Variants in PAPLN observed in about 807,000 individuals in gnomAD.
PAPLN encodes papilin, proteoglycan like sulfated glycoprotein.
PAPLN carries 146 observed loss-of-function variants against 159.0 expected under a neutral mutation model. The ratio of observed to expected loss-of-function variants is 0.92; its 90% CI spans 0.80 to 1.05. The LOEUF (loss-of-function observed/expected upper bound fraction) is 1.05, where lower values mean the gene tolerates loss of function less well. Ranked by LOEUF, PAPLN falls within the 50% of genes least tolerant of loss-of-function variation. The probability of loss-of-function intolerance (pLI) is 0.00; values close to 1 mark genes in which losing one functional copy is unlikely to be tolerated. For missense variants in PAPLN, 1,720 were observed against 1,743.9 expected (o/e 0.99, Z 0.24); for synonymous variants, 734 against 702.9 (o/e 1.04, Z -0.70).
At position 73,251,800 on chromosome 14, in the gene PAPLN, T is replaced by A. The variant is rs1382008313; in HGVS notation, c.807T>A (p.His269Gln). Reference protein sequence around the residue: ...AEGDLAPERLHARGPTSEPLV... With the variant: ...AEGDLAPERLQARGPTSEPLV... ...GGGACCTGGCCCCTGAGCGACTCCA[T>A]GCCCGGGGCCCCACCTCGGAGCCCC... Residue 269 changes from histidine to glutamine, a missense_variant, in exon 9 of 27, where the codon CAT (histidine) becomes CAA (glutamine). Coordinates refer to ENST00000644200, the MANE Select transcript of PAPLN (RefSeq NM_001365906.3). 1 of 1,603,338 alleles carries A rather than the reference T, an allele frequency of 6.2e-7. No homozygotes were observed. The highest frequency in any genetic ancestry group is 1.8e-5 in the Admixed American group (1 of 56,704).
At chr14:73,254,450 G>C in intron 12 of PAPLN, 63 bp from the exon 13 acceptor site, 2 of 1,583,490 alleles carry the variant, frequency 1.3e-6, no homozygotes, top group Non-Finnish European at 1.7e-6. Context: ...GCCGCTAGCT[G>C]TCCGAACTGG....
chr14:73,264,149 G>T, intron 20 of PAPLN, 62 bp from the exon 21 acceptor site: 4 of 1,607,346 alleles, frequency 2.5e-6, no homozygotes, highest in Non-Finnish European at 3.4e-6. Context: ...CGAGGCGGAG[G>T]GAAGACTCAC....
intron 16 of PAPLN, 142 bp from the exon 17 acceptor site, chr14:73,260,567 C>T (rs1886448320): frequency 1.8e-6 from 2 of 1,126,314 alleles, no homozygotes; most frequent in Non-Finnish European, 2.3e-6. Context: ...AATGGCCTGC[C>T]CTGCACACGG....
intron 18 of PAPLN, among the ~76,000 whole-genome samples, chr14:73,261,594 C>T (rs1413562367): frequency 6.6e-6 from 1 of 152,200 alleles, no homozygotes; most frequent in Non-Finnish European, 1.5e-5. Context: ...TGAGGCAGAG[C>T]CAGTGCAGGG....
At chr14:73,252,854 T>C (rs1885452178) in intron 11 of PAPLN, 79 bp downstream of exon 11, 4 of 1,582,228 alleles carry the variant, frequency 2.5e-6, no homozygotes, top group Admixed American at 1.7e-5. Flanking sequence ...CCAAGCTGCT[T>C]TAGGTGTAGA....
chr14:73,258,618 T>C (rs1278130166), intron 14 of PAPLN, among the ~76,000 whole-genome samples: 1 of 75,788 alleles, frequency 1.3e-5, no homozygotes, highest in East Asian at 6.7e-4. Flanking sequence ...ACCCTATCTC[T>C]AAAAAAAAAA....
upstream of PAPLN, among the ~76,000 whole-genome samples, chr14:73,236,298 T>C (rs1040280338): frequency 6.6e-6 from 1 of 152,186 alleles, no homozygotes; most frequent in African/African-American, 2.4e-5. Context: ...TGGGGCTGCA[T>C]TGCAGGCCCT....
At chr14:73,237,865 G>A (rs1594767652) in intron 1 of PAPLN, among the ~76,000 whole-genome samples, 1 of 152,216 alleles carries the variant, frequency 6.6e-6, no homozygotes, top group East Asian at 1.9e-4. Context: ...CCGCCCGCTC[G>A]GACCTTCCCT....
Position 73,254,657 on chromosome 14 carries a change from C to G in PAPLN, c.1447C>G (p.Leu483Val). 1 of 1,614,020 alleles carries G rather than the reference C, an allele frequency of 6.2e-7. No homozygotes were observed. The highest frequency in any genetic ancestry group is 1.1e-5 in the South Asian group (1 of 91,088). The change falls in exon 13 of 27, where the codon CTC (leucine) becomes GTC (valine). Residue 483 changes from leucine to valine, a missense_variant. Leu to Val is a conservative substitution (Grantham distance 32, BLOSUM62 1). Transcript: ENST00000644200. ...EPCVHEDCPL[L>V]SDQAWHVGTW... ...CTGTGTGCATGAGGACTGCCCCCTC[C>G]TCAGTGACCAGGCCTGGCATGTTGG...
intron 2 of PAPLN, among the ~76,000 whole-genome samples, chr14:73,240,953 G>T (rs974674078): frequency 6.6e-6 from 1 of 152,048 alleles, no homozygotes; most frequent in African/African-American, 2.4e-5. Flanking sequence ...AGGCAGGCAG[G>T]AAGTGAAAGA....
intron 14 of PAPLN, among the ~76,000 whole-genome samples, chr14:73,258,510 G>A (rs1259133326): frequency 2.0e-5 from 3 of 150,824 alleles, no homozygotes; most frequent in East Asian, 2.0e-4. Flanking sequence ...CATGCTAGGT[G>A]CAGTGGCTCA....
rs17126331 is a variant in PAPLN, at chr14:73,252,747, A to C, written c.1066A>C (p.Asn356His). 26,060 of 1,613,506 alleles carry C rather than the reference A, an allele frequency of 0.016. 1,492 individuals are homozygous for C. The African/African-American group carries it at 0.18, about 11-fold the overall frequency. ...ACGGCCAGCTGACCGGCGTTCCTGC[A>C]ATCTTCACCCTTGCCCGGAGACCAA... ...QPRPADRRSCNLHPCPETKRW... is the reference protein window; with the variant it reads ...QPRPADRRSCHLHPCPETKRW... Residue 356 changes from asparagine (N) to histidine (H), a missense_variant, in exon 11 of 27, where the codon AAT becomes CAT. Coordinates refer to ENST00000644200, the MANE Select transcript of PAPLN (RefSeq NM_001365906.3).
intron 16 of PAPLN, among the ~76,000 whole-genome samples, chr14:73,260,481 C>T (rs1014422388): frequency 3.3e-5 from 5 of 152,172 alleles, no homozygotes; most frequent in African/African-American, 9.7e-5. Context: ...GTACAGCCAC[C>T]ATTTATTGTG....
chr14:73,248,104 T>TGCGCGC lies in PAPLN; in HGVS notation c.335-1879_335-1878insCGCGCG, dbSNP rs549399055. Among the ~76,000 whole-genome samples the TGCGCGC allele has an allele frequency of 3.6e-4, 37 of 103,526 alleles. 1 individual carries two copies. The highest frequency in any genetic ancestry group is 2.1e-3 in the East Asian group (6 of 2,820). 67.9% of individuals were successfully genotyped at this position (103,526 alleles called of 152,430 possible). ...GTGTGTGTGTGTGTGTGTGTGTGTG[T>TGCGCGC]GTGCGCGTGTGTGTGTTGTGGGGAT... On this transcript the variant is annotated intron_variant, in intron 5 of 26. Transcript: ENST00000644200.
chr14:73,239,697 C>T, intron 1 of PAPLN, 76 bp from the exon 2 acceptor site: 7 of 1,529,008 alleles, frequency 4.6e-6, no homozygotes, highest in East Asian at 2.5e-5. Flanking sequence ...GGGAGAGACG[C>T]GCCCACACAC....
At chr14:73,243,084 C>G (rs1883770216) in intron 2 of PAPLN, 1 of 152,248 alleles carries the variant, frequency 6.6e-6, no homozygotes, top group African/African-American at 2.4e-5. Context: ...CCTCCACCTC[C>G]CGGGTTCAAG....
rs747063946 is a variant in PAPLN at position 73,252,689 on chromosome 14, G to A, written c.1008G>A (p.Glu336=). The change falls in exon 11 of 27, where the codon GAG becomes GAA. Residue 336 remains glutamate, a synonymous_variant. Coordinates refer to ENST00000644200, the MANE Select transcript of PAPLN (RefSeq NM_001365906.3). ...SRLVFCTIDH[E]AYPDHMCQRQ... ...TGGTGTTCTGCACCATCGACCATGA[G>A]GCCTACCCCGACCACATGTGCCAGC... 6.2e-7 allele frequency: 1 copy of A among 1,613,394 alleles called. No homozygotes were observed. The highest frequency in any genetic ancestry group is 8.5e-7 in the Non-Finnish European group (1 of 1,180,006).
chr14:73,266,199 G>GT (rs1887198679), intron 23 of PAPLN, among the ~76,000 whole-genome samples: 1 of 152,148 alleles, frequency 6.6e-6, no homozygotes, highest in African/African-American at 2.4e-5. Context: ...ATAGCCAGGC[G>GT]TGGTGGCACA....
intron 9 of PAPLN, 77 bp from the exon 10 acceptor site, chr14:73,251,941 G>C: frequency 1.3e-6 from 2 of 1,551,886 alleles, no homozygotes; most frequent in Non-Finnish European, 8.7e-7. Context: ...CTTGAGGCTG[G>C]CAGGGGGCTG....
Sources: gnomAD v4.1 joint callset for allele counts (sites outside exome capture counted in the v4.1 genomes callset) on GRCh38, gnomAD v4.1.1 for gene constraint, MANE v1.5 for transcripts, NCBI Gene and HGNC (gene_info 2026-07-23, HGNC 2026-07-21) for gene names.